DCLRE1A: variants seen among roughly 807,000 people sequenced by gnomAD.
DCLRE1A encodes DNA cross-link repair 1A, also known as DNA cross-link repair 1A protein.
Under a neutral mutation model 91.9 loss-of-function variants are expected in DCLRE1A, and 64 were observed. That is an observed-to-expected ratio of 0.70 (90% CI 0.57 to 0.86). DCLRE1A has a LOEUF of 0.86. Among genes scored for constraint, DCLRE1A ranks in the 40% least tolerant of loss-of-function variants. DCLRE1A has a pLI of 0.00. For missense variants in DCLRE1A, 1,145 were observed against 1,213.3 expected (o/e 0.94, Z 0.84); for synonymous variants, 416 against 431.1 (o/e 0.96, Z 0.43).
chr10:113,845,913 T>A, intron 3 of DCLRE1A, 110 bp from the exon 4 acceptor site: 10 of 911,986 alleles, frequency 1.1e-5, no homozygotes, highest in Non-Finnish European at 1.6e-5. Flanking sequence ...CTACTTATAT[T>A]TAAGTAAACA....
At chr10:113,835,883 C>T (rs1279099887) in intron 8 of DCLRE1A, among the ~76,000 whole-genome samples, 1 of 152,016 alleles carries the variant, frequency 6.6e-6, no homozygotes, top group Non-Finnish European at 1.5e-5. Context: ...TGCAGTGAGC[C>T]GAGATCGTGC....
rs537720111 is a variant in DCLRE1A, at chr10:113,853,948, G to A, written c.-766C>T. 1 of 152,284 alleles carries A rather than the reference G, an allele frequency of 6.6e-6. No homozygotes were observed. The highest frequency in any genetic ancestry group is 1.9e-4 in the East Asian group (1 of 5,170). The allele number at this position is 152,284 out of a possible 1,614,324, so 9.4% of individuals were successfully genotyped here. On this transcript the variant is annotated 5_prime_UTR_variant, in exon 1 of 9. Coordinates refer to ENST00000361384, the MANE Select transcript of DCLRE1A (RefSeq NM_014881.5). ...GACTCCGTATTGCACCCATGGTTCC[G>A]AAGGTGGCCAGCCCTCTGTCCACCT...
At chr10:113,843,997 G>A (rs1845487713) in intron 5 of DCLRE1A, 107 bp downstream of exon 5, 2 of 1,451,328 alleles carry the variant, frequency 1.4e-6, no homozygotes, top group South Asian at 1.4e-5. Context: ...CTCTGATAAA[G>A]AGCCTTAAAA....
Position 113,849,633 on chromosome 10 carries a change from C to A in DCLRE1A, c.1472G>T (p.Ser491Ile). 3 of 1,614,156 alleles carry A rather than the reference C, an allele frequency of 1.9e-6. No individual in the cohort carries two copies. The highest frequency in any genetic ancestry group is 1.1e-5 in the South Asian group (1 of 91,082). Residue 491 changes from serine (S) to isoleucine (I), a missense_variant, in exon 2 of 9, where the codon AGT becomes ATT. Coordinates refer to ENST00000361384, the MANE Select transcript of DCLRE1A (RefSeq NM_014881.5). ...ATTATTCTTAGCATTCAAGTTCTCA[C>A]TTGATAATTTTCTAATTGTATTTTG... ...PTQNTIRKLSSENLNAKNNTN... is the reference protein window; with the variant it reads ...PTQNTIRKLSIENLNAKNNTN...
In DCLRE1A at chr10:113,849,965, A is replaced by G; in HGVS notation, c.1140T>C (p.Ser380=). ...AAATAGGTTGAGACAAATCATTTAGACTATTGAATCTATACAATCCTTCAT... is the reference window on the plus strand; with the variant it reads ...AAATAGGTTGAGACAAATCATTTAGGCTATTGAATCTATACAATCCTTCAT... ...KYDEGLYRFN[S]LNDLSQPISQ... is the part of the protein sequence containing the mutation. The change falls in exon 2 of 9, where the codon AGT becomes AGC. Residue 380 remains serine, a synonymous_variant. Transcript: ENST00000361384. 6.2e-7 allele frequency: 1 copy of G among 1,614,158 alleles called. No individual in the cohort carries two copies. The highest frequency in any genetic ancestry group is 1.3e-5 in the African/African-American group (1 of 75,034).
In DCLRE1A at chr10:113,849,331, T is replaced by C. The variant is rs1446477327; in HGVS notation, c.1774A>G (p.Asn592Asp). 6.2e-7 allele frequency: 1 copy of C among 1,614,204 alleles called. No individual in the cohort carries two copies. The highest frequency in any genetic ancestry group is 8.5e-7 in the Non-Finnish European group (1 of 1,180,028). Residue 592 changes from asparagine (N) to aspartate (D), a missense_variant, in exon 2 of 9, where the codon AAT becomes GAT. By Grantham distance (23) the Asn-to-Asp change is conservative. Coordinates refer to ENST00000361384, the MANE Select transcript of DCLRE1A (RefSeq NM_014881.5). ...TTGCACTGCGAGGACCTCTTTTGAT[T>C]AGGACTTGGAACTGGATTTAAGTTT... Reference protein sequence around the residue: ...GINLNPVPSPNQKRSSQCKRK... With the variant: ...GINLNPVPSPDQKRSSQCKRK...
At chr10:113,852,045 C>T (rs893339312) in intron 1 of DCLRE1A, among the ~76,000 whole-genome samples, 1 of 152,282 alleles carries the variant, frequency 6.6e-6, no homozygotes, top group African/African-American at 2.4e-5. Context: ...CCATAATAAC[C>T]ACCAACTGGG....
chr10:113,844,983 A>C (rs1198443233), intron 4 of DCLRE1A, among the ~76,000 whole-genome samples: 2 of 151,972 alleles, frequency 1.3e-5, no homozygotes, highest in African/African-American at 2.4e-5. Flanking sequence ...AAAAAAAAAA[A>C]CAGTAGCAAA....
rs761251281 is a variant in DCLRE1A at position 113,849,884 on chromosome 10, A to C, written c.1221T>G (p.Phe407Leu). 6.2e-7 allele frequency: 1 copy of C among 1,613,988 alleles called. No individual in the cohort carries two copies. Among genetic ancestry groups the C allele is most frequent in the Non-Finnish European group, 8.5e-7 (1 of 1,180,022 alleles). Residue 407 changes from phenylalanine (F) to leucine (L), a missense_variant, in exon 2 of 9, where the codon TTT becomes TTG. Transcript: ENST00000361384. ...CTGCCAATGCAGGTGGAAACAACACAAAATCACCACCAGTACATGCCAGAT... is the reference window on the plus strand; with the variant it reads ...CTGCCAATGCAGGTGGAAACAACACCAAATCACCACCAGTACATGCCAGAT... ...PYDLACTGGD[F>L]VLFPPALAGK...
chr10:113,852,325 G>A (rs1453882036), intron 1 of DCLRE1A, among the ~76,000 whole-genome samples: 1 of 152,214 alleles, frequency 6.6e-6, no homozygotes, highest in African/African-American at 2.4e-5. Flanking sequence ...AACAGAGAGA[G>A]ACTCCGTCTC....
chr10:113,853,340 G>C lies in DCLRE1A; in HGVS notation c.-158C>G. On this transcript the variant is annotated 5_prime_UTR_variant, in exon 1 of 9. Transcript: ENST00000361384. ...AATGGGAATCTGCAGTGTTGGTAAT[G>C]AACATATTGGCAAGCTACAAACCTT... is the stretch of plus-strand genomic sequence containing the variant. 3.1e-6 allele frequency: 2 copies of C among 651,674 alleles called. No homozygotes were observed. The highest frequency in any genetic ancestry group is 2.2e-5 in the South Asian group (1 of 45,246). 40.4% of individuals were successfully genotyped at this position (651,674 alleles called of 1,614,324 possible).
Position 113,835,143 on chromosome 10 carries a change from G to A in DCLRE1A, c.*9C>T. The A allele has an allele frequency of 6.2e-7, 1 of 1,611,622 alleles. No individual in the cohort carries two copies. ...GAACTTAACTACTACTGAATCCTCG[G>A]AGGTATCATCAATATCCAGCTTCCA... On this transcript the variant is annotated 3_prime_UTR_variant, in exon 9 of 9. Coordinates refer to ENST00000361384, the MANE Select transcript of DCLRE1A (RefSeq NM_014881.5).
chr10:113,849,640 A>G lies in DCLRE1A; in HGVS notation c.1465T>C (p.Leu489=), dbSNP rs184992773. The G allele has an allele frequency of 8.6e-5, 139 of 1,614,176 alleles. 2 individuals carry two copies. The East Asian group carries it at 2.5e-3, about 28-fold the overall frequency. ...SQPTQNTIRK[L]SSENLNAKNN... Reference sequence around the variant, plus strand: ...TTAGCATTCAAGTTCTCACTTGATAATTTTCTAATTGTATTTTGGGTTGGT... The same window carrying G: ...TTAGCATTCAAGTTCTCACTTGATAGTTTTCTAATTGTATTTTGGGTTGGT... Residue 489 remains leucine, a synonymous_variant, in exon 2 of 9, where the codon TTA becomes CTA. Coordinates refer to ENST00000361384, the MANE Select transcript of DCLRE1A (RefSeq NM_014881.5).
At position 113,849,076 on chromosome 10, in the gene DCLRE1A, G is replaced by A. The variant is rs908051223; in HGVS notation, c.2029C>T (p.His677Tyr). ...SKVKVFTKSA[H>Y]GGLQRGNKKI... ...TTGTTGCCCCTTTGCAGCCCACCATGAGCTGATTTTGTGAAGACTTTGACT... is the reference window on the plus strand; with the variant it reads ...TTGTTGCCCCTTTGCAGCCCACCATAAGCTGATTTTGTGAAGACTTTGACT... The change falls in exon 2 of 9, where the codon CAT becomes TAT. Residue 677 changes from histidine (H) to tyrosine (Y), a missense_variant. His to Tyr is a moderately conservative substitution (Grantham distance 83). Coordinates refer to ENST00000361384, the MANE Select transcript of DCLRE1A (RefSeq NM_014881.5). The A allele has an allele frequency of 7.4e-6, 12 of 1,613,958 alleles. No homozygotes were observed. The African/African-American group carries it at 1.1e-4, about 14-fold the overall frequency.
At chr10:113,836,925 G>C in intron 8 of DCLRE1A, 137 bp downstream of exon 8, 1 of 744,540 alleles carries the variant, frequency 1.3e-6, no homozygotes. Flanking sequence ...CAGGATTAGA[G>C]TTGTAGAGAG....
At chr10:113,844,352 A>C in intron 4 of DCLRE1A, 108 bp from the exon 5 acceptor site, 1 of 1,400,670 alleles carries the variant, frequency 7.1e-7, no homozygotes, top group Non-Finnish European at 9.6e-7. Context: ...GACCACAATG[A>C]CATAGCATTG....
rs374920433 is a variant in DCLRE1A, at chr10:113,841,471, G to C, written c.2755C>G (p.Leu919Val). ...GAACTGCACATGTCGGTAGTGATGA[G>C]TGAATTAATTTCTGGTATATTGAGG... Reference protein sequence around the residue: ...QCLNIPEINSLITTDMCSSLV... With the variant: ...QCLNIPEINSVITTDMCSSLV... Residue 919 changes from leucine (L) to valine (V), a missense_variant, in exon 7 of 9, where the codon CTC becomes GTC. Leu to Val is a conservative substitution (Grantham distance 32, BLOSUM62 1). Transcript: ENST00000361384. 1.2e-5 allele frequency: 19 copies of C among 1,613,524 alleles called. No individual in the cohort carries two copies. The highest frequency in any genetic ancestry group is 1.7e-5 in the Admixed American group (1 of 59,944).
At chr10:113,837,244 G>A (rs1237961399) in intron 7 of DCLRE1A, 41 bp from the exon 8 acceptor site, 2 of 1,575,400 alleles carry the variant, frequency 1.3e-6, no homozygotes, top group African/African-American at 1.4e-5. Context: ...ATGGAGACGA[G>A]TTATATGGAA....
intron 4 of DCLRE1A, among the ~76,000 whole-genome samples, chr10:113,844,446 C>T (rs774967037): frequency 1.3e-5 from 2 of 152,186 alleles, no homozygotes; most frequent in Non-Finnish European, 2.9e-5. Flanking sequence ...ACCCAGGTTG[C>T]TCAAACTCCA....
Sources: allele counts gnomAD v4.1 joint callset (sites outside exome capture counted in the v4.1 genomes callset), GRCh38; gene constraint gnomAD v4.1.1; transcripts MANE v1.5; gene names NCBI Gene and HGNC (gene_info 2026-07-23, HGNC 2026-07-21).